The following ZNF605 variants were observed in gnomAD, a reference collection of about 807,000 sequenced individuals.
ZNF605 encodes zinc finger protein 605.
Under a neutral mutation model 7.9 loss-of-function variants are expected in ZNF605, and 9 were observed. That is an observed-to-expected ratio of 1.14 (90% CI 0.68 to 1.98). The LOEUF is 1.98. Ranked by LOEUF, ZNF605 falls within the 30% of genes most tolerant of loss-of-function variation. The pLI is 0.00. For missense variants in ZNF605, 673 were observed against 762.4 expected (o/e 0.88, Z 1.38); for synonymous variants, 255 against 260.1 (o/e 0.98, Z 0.19).
Position 132,925,500 on chromosome 12 carries a change from C to G in ZNF605, c.1799G>C (p.Arg600Thr). The change falls in exon 5 of 5, where the codon AGA becomes ACA. Residue 600 changes from arginine (R) to threonine (T), a missense_variant. Physicochemically the swap from Arg to Thr is moderately conservative, Grantham distance 71. Transcript: ENST00000360187. ...KCGECGKSFT[R>T]KSHLMRHQRI... is the part of the protein sequence containing the mutation. ...CTGATGCCTCATAAGGTGTGACTTT[C>G]TTGTGAAAGATTTCCCACATTCACC... is the stretch of plus-strand genomic sequence containing the variant. 1 of 1,614,186 alleles carries G rather than the reference C, an allele frequency of 6.2e-7. No individual in the cohort carries two copies. Among genetic ancestry groups the G allele is most frequent in the Non-Finnish European group, 8.5e-7 (1 of 1,180,034 alleles).
chr12:132,926,828 C>A lies in ZNF605; in HGVS notation c.471G>T (p.Trp157Cys). 6.2e-7 allele frequency: 1 copy of A among 1,614,162 alleles called. No individual in the cohort carries two copies. The highest frequency in any genetic ancestry group is 1.1e-5 in the South Asian group (1 of 91,078). Reference protein sequence around the residue: ...TCRKSSNEEPWLTANHITHTG... With the variant: ...TCRKSSNEEPCLTANHITHTG... ...TGTGTGTTATGTGATTAGCAGTGAG[C>A]CATGGCTCTTCGTTGCTGGATTTTC... Residue 157 changes from tryptophan (W) to cysteine (C), a missense_variant, in exon 5 of 5, where the codon TGG becomes TGT. Transcript: ENST00000360187.
At chr12:132,929,855 G>A (rs1439623750) in intron 4 of ZNF605, among the ~76,000 whole-genome samples, 1 of 152,182 alleles carries the variant, frequency 6.6e-6, no homozygotes, top group African/African-American at 2.4e-5. Flanking sequence ...TGAGGCAGGA[G>A]AATCGCTTGA....
chr12:132,928,322 G>A (rs1456374860), intron 4 of ZNF605, among the ~76,000 whole-genome samples: 2 of 151,838 alleles, frequency 1.3e-5, no homozygotes, highest in Admixed American at 6.6e-5. Context: ...ATTCTTATTC[G>A]GGATCATTAC....
intron 3 of ZNF605, among the ~76,000 whole-genome samples, chr12:132,938,138 G>A (rs1412576786): frequency 8.1e-5 from 12 of 148,584 alleles, no homozygotes; most frequent in African/African-American, 3.0e-4. Context: ...CTGCCACTAC[G>A]CCCGGCTAAC....
rs1400747964 is a variant in ZNF605, at chr12:132,926,205, T to A, written c.1094A>T (p.Tyr365Phe). The A allele has an allele frequency of 6.2e-7, 1 of 1,614,234 alleles. No individual in the cohort carries two copies. Among genetic ancestry groups the A allele is most frequent in the African/African-American group, 1.3e-5 (1 of 75,062 alleles). The change falls in exon 5 of 5, where the codon TAC (tyrosine) becomes TTC (phenylalanine). Residue 365 changes from tyrosine to phenylalanine, a missense_variant. By Grantham distance (22) the Tyr-to-Phe change is conservative (BLOSUM62 3). Coordinates refer to ENST00000360187, the MANE Select transcript of ZNF605 (RefSeq NM_183238.4). ...GGCTTCACCACATTCGTTGCATTCG[T>A]AGGGCTTCTCTCCTGTATGAATCCT... is the stretch of plus-strand genomic sequence containing the variant. ...HQRIHTGEKP[Y>F]ECNECGEAFI...
At chr12:132,953,359 C>T (rs1184863885) in intron 1 of ZNF605, among the ~76,000 whole-genome samples, 2 of 152,182 alleles carry the variant, frequency 1.3e-5, no homozygotes, top group African/African-American at 2.4e-5. Context: ...CCTCCAGAAA[C>T]ACCTGACCAC....
intron 1 of ZNF605, among the ~76,000 whole-genome samples, chr12:132,953,882 A>G (rs1423179961): frequency 6.6e-6 from 1 of 151,922 alleles, no homozygotes; most frequent in African/African-American, 2.4e-5. Flanking sequence ...CTTGGCATTG[A>G]TCCCAAGCCC....
At position 132,939,777 on chromosome 12, in the gene ZNF605, T is replaced by C. The variant is rs557469880; in HGVS notation, c.15+5844A>G. On this transcript the variant is annotated intron_variant, in intron 3 of 4. Coordinates refer to ENST00000360187, the MANE Select transcript of ZNF605 (RefSeq NM_183238.4). Reference sequence around the variant, plus strand: ...TCTTTGCAATAAATCTTGCTACTGCTCACTCTTTGGGTCCACGCTGCTTTT... The same window carrying C: ...TCTTTGCAATAAATCTTGCTACTGCCCACTCTTTGGGTCCACGCTGCTTTT... 1.7e-3 allele frequency among the ~76,000 whole-genome samples: 266 copies of C among 152,304 alleles called. 2 individuals are homozygous for C. The highest frequency in any genetic ancestry group is 5.9e-3 in the African/African-American group (246 of 41,560).
Position 132,918,695 on chromosome 12 carries a change from C to T in ZNF605, c.*6678G>A, listed in dbSNP as rs1952178435. 6.6e-6 allele frequency: 1 copy of T among 152,318 alleles called. No homozygotes were observed. Among genetic ancestry groups the T allele is most frequent in the African/African-American group, 2.4e-5 (1 of 41,462 alleles). The allele number at this position is 152,318 out of a possible 1,614,324, so 9.4% of individuals were successfully genotyped here. On this transcript the variant is annotated 3_prime_UTR_variant, in exon 5 of 5. Coordinates refer to ENST00000360187, the MANE Select transcript of ZNF605 (RefSeq NM_183238.4). ...TCCTGGGTTCATGTGATTTGCCCACCTCAGCCTCCCGAGCAGCTGGGTTTA... is the reference window on the plus strand; with the variant it reads ...TCCTGGGTTCATGTGATTTGCCCACTTCAGCCTCCCGAGCAGCTGGGTTTA...
rs1456572742 is a variant in ZNF605 at position 132,941,524 on chromosome 12, C to T, written c.15+4097G>A. Among the ~76,000 whole-genome samples the T allele has an allele frequency of 2.0e-5, 3 of 152,222 alleles. No individual in the cohort carries two copies. The highest frequency in any genetic ancestry group is 4.4e-5 in the Non-Finnish European group (3 of 68,040). On this transcript the variant is annotated intron_variant, in intron 3 of 4. Transcript: ENST00000360187. The surrounding 1 kb of genome is among the most constrained non-coding windows in gnomAD (Gnocchi z 5.1). The stretch of plus-strand genomic sequence containing the variant: ...GAGCGCAGTGCTTCTGAGAACAGCC[C>T]CAGTCCAAACTACACATCAATAGGC...
intron 1 of ZNF605, among the ~76,000 whole-genome samples, chr12:132,952,450 C>CAA (rs76640666): frequency 4.5e-4 from 40 of 88,892 alleles, no homozygotes; most frequent in South Asian, 7.4e-4. Context: ...GACTCTGTCT[C>CAA]AAAAAAAAAA....
intron 4 of ZNF605, among the ~76,000 whole-genome samples, chr12:132,927,819 G>C (rs1447272691): frequency 1.3e-5 from 2 of 151,478 alleles, no homozygotes; most frequent in Non-Finnish European, 2.9e-5. Flanking sequence ...ATCACACTTG[G>C]CTAATTTTTG....
intron 1 of ZNF605, among the ~76,000 whole-genome samples, chr12:132,954,775 C>G (rs1261550954): frequency 2.0e-5 from 3 of 152,000 alleles, no homozygotes; most frequent in African/African-American, 4.8e-5. Context: ...GGGCTCTGCA[C>G]AAATGCCGAT....
rs1952330350 is a variant in ZNF605 at position 132,933,823 on chromosome 12, A to G, written c.16-668T>C. ...CCTATCCACTGAACAAGAAACCAGAATAGGTTGTCTTTAAACAATACAGTG... is the reference window on the plus strand; with the variant it reads ...CCTATCCACTGAACAAGAAACCAGAGTAGGTTGTCTTTAAACAATACAGTG... On this transcript the variant is annotated intron_variant, in intron 3 of 4. Coordinates refer to ENST00000360187, the MANE Select transcript of ZNF605 (RefSeq NM_183238.4). The surrounding 1 kb of genome is among the most constrained non-coding windows in gnomAD (Gnocchi z 4.4). Among the ~76,000 whole-genome samples the G allele has an allele frequency of 6.6e-6, 1 of 152,240 alleles. No individual in the cohort carries two copies. Among genetic ancestry groups the G allele is most frequent in the South Asian group, 2.1e-4 (1 of 4,834 alleles).
rs3053372 is a variant in ZNF605 at position 132,922,825 on chromosome 12, T to TACCTTAA, written c.*2547_*2548insTTAAGGT. On this transcript the variant is annotated 3_prime_UTR_variant, in exon 5 of 5. Coordinates refer to ENST00000360187, the MANE Select transcript of ZNF605 (RefSeq NM_183238.4). The stretch of plus-strand genomic sequence containing the variant: ...TGTATCCTTACGGGAACACAGAAGC[T>TACCTTAA]ACCATGGTCCAGGCAGGAGGAAGGG... 19,819 of 152,034 alleles carry TACCTTAA rather than the reference T, an allele frequency of 0.13. 1,872 individuals carry two copies. The highest frequency in any genetic ancestry group is 0.52 in the East Asian group (2,631 of 5,098). 9.4% of individuals were successfully genotyped at this position (152,034 alleles called of 1,614,324 possible). A position where few individuals can be genotyped will look rare whatever the true frequency, so the allele number is the denominator to read the frequency against.
rs1011330706 is a variant in ZNF605 at position 132,933,019 on chromosome 12, A to G, written c.136+16T>C. 9.6e-6 allele frequency: 15 copies of G among 1,568,794 alleles called. No individual in the cohort carries two copies. In the African/African-American group the frequency reaches 1.2e-4, roughly 13 times the overall value. On this transcript the variant is annotated intron_variant, in intron 4 of 4. Transcript: ENST00000360187. The surrounding 1 kb of genome is among the most constrained non-coding windows in gnomAD (Gnocchi z 4.4). ...AGTTACTGGCCATACACTAAGTTACATAAGAATGTTCTTACCCAAGAAAAC... is the reference window on the plus strand; with the variant it reads ...AGTTACTGGCCATACACTAAGTTACGTAAGAATGTTCTTACCCAAGAAAAC...
Position 132,941,623 on chromosome 12 carries a change from C to T in ZNF605, c.15+3998G>A, listed in dbSNP as rs1339961809. On this transcript the variant is annotated intron_variant, in intron 3 of 4. Transcript: ENST00000360187. This position sits in a 1 kb window ranked among gnomAD's most constrained non-coding sequence, Gnocchi z 5.1. ...AACTGACTGTTGTAACGGACAGCTT[C>T]GGTGGCTGCTGGGAGGGGACGAGAT... Among the ~76,000 whole-genome samples the T allele has an allele frequency of 3.3e-5, 5 of 152,226 alleles. No homozygotes were observed. Among genetic ancestry groups the T allele is most frequent in the African/African-American group, 1.2e-4 (5 of 41,458 alleles).
chr12:132,950,464 G>GAC (rs138733613), intron 1 of ZNF605, among the ~76,000 whole-genome samples: 60,124 of 151,106 alleles, frequency 0.4, 14,101 homozygotes, highest in African/African-American at 0.64. Context: ...CGCACATACA[G>GAC]ACACACAGAC....
intron 2 of ZNF605, among the ~76,000 whole-genome samples, chr12:132,946,781 T>A (rs1186394074): frequency 6.6e-6 from 1 of 152,154 alleles, no homozygotes; most frequent in African/African-American, 2.4e-5. Flanking sequence ...CTACCCTCTG[T>A]CCTGGGCCCC....
Sources: allele counts gnomAD v4.1 joint callset (sites outside exome capture counted in the v4.1 genomes callset), GRCh38; gene constraint gnomAD v4.1.1; non-coding constraint Gnocchi (gnomAD v3.1); transcripts MANE v1.5; gene names NCBI Gene and HGNC (gene_info 2026-07-23, HGNC 2026-07-21).